Variants in SMOC2 observed in about 807,000 individuals in gnomAD.
SMOC2 encodes the protein SPARC-related modular calcium-binding protein 2.
In SMOC2, 39 loss-of-function variants were observed where a neutral mutation model predicts 61.4. That is an observed-to-expected ratio of 0.64 (90% CI 0.49 to 0.83). The LOEUF (loss-of-function observed/expected upper bound fraction) is 0.83, where lower values mean the gene tolerates loss of function less well. Among genes scored for constraint, SMOC2 ranks in the 40% least tolerant of loss-of-function variants. The pLI is 0.00. For missense variants in SMOC2, 556 were observed against 592.9 expected, an observed-to-expected ratio of 0.94 and a Z score of 0.65; for synonymous variants, 247 against 239.9, an observed-to-expected ratio of 1.03 and a Z score of -0.27.
At chr6:168,658,820 A>G (rs1481703159) in intron 11 of SMOC2, among the ~76,000 whole-genome samples, 1 of 152,060 alleles carries the variant, frequency 6.6e-6, no homozygotes, top group Non-Finnish European at 1.5e-5. Flanking sequence ...ACCCTTCCAG[A>G]GGAACCCATA....
chr6:168,503,241 C>G (rs532956340), intron 1 of SMOC2, among the ~76,000 whole-genome samples: 1 of 151,706 alleles, frequency 6.6e-6, no homozygotes, highest in South Asian at 2.1e-4. Context: ...CCATGCCCAG[C>G]TAATTTTGGT....
intron 7 of SMOC2, among the ~76,000 whole-genome samples, chr6:168,595,517 C>A (rs1217775544): frequency 6.6e-6 from 1 of 152,198 alleles, no homozygotes; most frequent in Non-Finnish European, 1.5e-5. Context: ...GTGACAGTCA[C>A]AGGTGGAAAT....
Position 168,509,950 on chromosome 6 carries a change from T to C in SMOC2, c.120T>C (p.Cys40=). 1 of 1,611,120 alleles carries C rather than the reference T, an allele frequency of 6.2e-7. No individual in the cohort carries two copies. Among genetic ancestry groups the C allele is most frequent in the Non-Finnish European group, 8.5e-7 (1 of 1,178,020 alleles). Residue 40 remains cysteine (C), a synonymous_variant, in exon 2 of 13, where the codon TGT becomes TGC. Transcript: ENST00000356284. ...TGGATCAAGATAAAGACAAGGATTG[T>C]AGCTTGGACTGTGCGGGTTCGCCCC... ...LRVDQDKDKD[C]SLDCAGSPQK...
chr6:168,598,708 TGAA>T, intron 7 of SMOC2, 107 bp from the exon 8 acceptor site: 6 of 1,275,578 alleles, frequency 4.7e-6, no homozygotes, highest in Non-Finnish European at 6.7e-6. Flanking sequence ...TGCTCCGGGG[TGAA>T]GGAGGACCAC....
At chr6:168,655,410 C>T in intron 11 of SMOC2, 1 of 456,642 alleles carries the variant, frequency 2.2e-6, no homozygotes, top group Non-Finnish European at 4.4e-6. Flanking sequence ...TAAGAGAAAC[C>T]TGTGATGGCC....
chr6:168,467,523 T>C (rs972942083), intron 1 of SMOC2, among the ~76,000 whole-genome samples: 3 of 152,146 alleles, frequency 2.0e-5, no homozygotes, highest in African/African-American at 7.2e-5. Flanking sequence ...TTAGCCAAGA[T>C]GGTCTCTATC....
At chr6:168,624,817 A>G (rs1224256641) in intron 9 of SMOC2, among the ~76,000 whole-genome samples, 1 of 151,846 alleles carries the variant, frequency 6.6e-6, no homozygotes, top group Non-Finnish European at 1.5e-5. Context: ...ACAGACACAC[A>G]TTGACATACA....
At chr6:168,539,541 G>A (rs565074609) in intron 4 of SMOC2, among the ~76,000 whole-genome samples, 4 of 152,378 alleles carry the variant, frequency 2.6e-5, no homozygotes, top group Admixed American at 1.3e-4. Flanking sequence ...ACTGTGCATG[G>A]TGTCTGGGTC....
At chr6:168,448,296 C>A (rs1487158451) in intron 1 of SMOC2, among the ~76,000 whole-genome samples, 4 of 128,358 alleles carry the variant, frequency 3.1e-5, no homozygotes, top group African/African-American at 1.5e-4. Context: ...AGGTGTGGAA[C>A]CACTCCCAGG....
At chr6:168,618,945 G>T (rs1786175011) in intron 9 of SMOC2, among the ~76,000 whole-genome samples, 1 of 152,128 alleles carries the variant, frequency 6.6e-6, no homozygotes, top group African/African-American at 2.4e-5. Context: ...CATTTTATTT[G>T]TTTATTCAAT....
chr6:168,591,606 T>C (rs1006700424), intron 7 of SMOC2, among the ~76,000 whole-genome samples: 2 of 149,458 alleles, frequency 1.3e-5, no homozygotes, highest in African/African-American at 2.4e-5. Context: ...ATACATATTC[T>C]ATATTGTTAA....
At chr6:168,642,739 G>T (rs1484210824) in intron 9 of SMOC2, among the ~76,000 whole-genome samples, 1 of 152,116 alleles carries the variant, frequency 6.6e-6, no homozygotes, top group Non-Finnish European at 1.5e-5. Flanking sequence ...TAAGCTGCAG[G>T]CACTTTATGA....
At chr6:168,545,533 A>G (rs1341341125) in intron 5 of SMOC2, among the ~76,000 whole-genome samples, 2 of 152,190 alleles carry the variant, frequency 1.3e-5, no homozygotes, top group African/African-American at 4.8e-5. Context: ...TCTGTGAGGG[A>G]CGGGGGCATG....
At chr6:168,507,755 A>T (rs894695216) in intron 1 of SMOC2, among the ~76,000 whole-genome samples, 1 of 152,254 alleles carries the variant, frequency 6.6e-6, no homozygotes, top group Non-Finnish European at 1.5e-5. Flanking sequence ...AAAGGCAATG[A>T]TCTGTTTTCA....
chr6:168,509,862 G>A, intron 1 of SMOC2, 53 bp from the exon 2 acceptor site: 1 of 1,554,766 alleles, frequency 6.4e-7, no homozygotes, highest in Non-Finnish European at 8.8e-7. Context: ...GTTTTCTGCT[G>A]CTCTGAAGAA....
chr6:168,587,617 G>T (rs916058599), intron 7 of SMOC2, among the ~76,000 whole-genome samples: 2 of 152,178 alleles, frequency 1.3e-5, no homozygotes, highest in Non-Finnish European at 2.9e-5. Context: ...GCCCTAGTCT[G>T]GCTCAGTGAA....
At chr6:168,636,435 A>G (rs1365554132) in intron 9 of SMOC2, among the ~76,000 whole-genome samples, 1 of 152,228 alleles carries the variant, frequency 6.6e-6, no homozygotes, top group Non-Finnish European at 1.5e-5. Context: ...TCCTGATAAT[A>G]TGTGTTGGTT....
chr6:168,448,503 T>G (rs1466476838), intron 1 of SMOC2, among the ~76,000 whole-genome samples: 2 of 78,556 alleles, frequency 2.5e-5, no homozygotes, highest in African/African-American at 1.0e-4. Context: ...AGGACGGGGA[T>G]GGTGAGGATG....
At chr6:168,644,640 CTTTCTT>C (rs1786976907) in intron 9 of SMOC2, among the ~76,000 whole-genome samples, 1 of 140,120 alleles carries the variant, frequency 7.1e-6, no homozygotes. Flanking sequence ...ATGTGAATGC[CTTTCTT>C]TTTTTTTTTT....
Sources: allele counts gnomAD v4.1 joint callset (sites outside exome capture counted in the v4.1 genomes callset), GRCh38; gene constraint gnomAD v4.1.1; transcripts MANE v1.5; gene names NCBI Gene and HGNC (gene_info 2026-07-23, HGNC 2026-07-21).